RGL1: variants seen among roughly 807,000 people sequenced by gnomAD.
The protein encoded by RGL1 is ral guanine nucleotide dissociation stimulator-like 1.
A neutral mutation model predicts 95.2 loss-of-function variants in RGL1; 24 were observed. The observed-to-expected ratio is 0.25, with a 90% CI of 0.18 to 0.35. The LOEUF (loss-of-function observed/expected upper bound fraction) is 0.35. Among genes scored for constraint, RGL1 ranks in the 10% least tolerant of loss-of-function variants. The pLI is 1.00. For missense variants in RGL1, 715 were observed against 936.3 expected (o/e 0.76, Z 3.08); for synonymous variants, 329 against 344.9 (o/e 0.95, Z 0.51).
At chr1:183,660,277 G>C (rs916702762) in intron 1 of RGL1, among the ~76,000 whole-genome samples, 3 of 152,082 alleles carry the variant, frequency 2.0e-5, no homozygotes, top group African/African-American at 7.3e-5. Flanking sequence ...TGGATAAAGA[G>C]TCAAGACCCA....
intron 1 of RGL1, among the ~76,000 whole-genome samples, chr1:183,643,334 C>G (rs1478615557): frequency 1.3e-5 from 2 of 150,778 alleles, no homozygotes; most frequent in Non-Finnish European, 2.9e-5. Flanking sequence ...ACTCTGTTGC[C>G]AGACTGGAGT....
At chr1:183,859,508 T>TA (rs1354544139) in intron 3 of RGL1, among the ~76,000 whole-genome samples, 1 of 152,130 alleles carries the variant, frequency 6.6e-6, no homozygotes, top group East Asian at 1.9e-4. Context: ...GGGGCAGAAA[T>TA]ATCAGGTACT....
intron 1 of RGL1, among the ~76,000 whole-genome samples, chr1:183,693,319 A>G (rs906992465): frequency 6.6e-6 from 1 of 152,160 alleles, no homozygotes; most frequent in Non-Finnish European, 1.5e-5. Context: ...CTAGAAGGCT[A>G]TAGGAAAGCC....
intron 1 of RGL1, among the ~76,000 whole-genome samples, chr1:183,700,505 C>T (rs760677311): frequency 1.2e-4 from 18 of 148,736 alleles, no homozygotes; most frequent in South Asian, 2.1e-4. Context: ...CATAGGTATA[C>T]GTGTTCCATG....
In RGL1 at chr1:183,912,284, T is replaced by C; in HGVS notation, c.1749+16T>C. 6.2e-7 allele frequency: 1 copy of C among 1,602,438 alleles called. No homozygotes were observed. Among genetic ancestry groups the C allele is most frequent in the Non-Finnish European group, 8.5e-7 (1 of 1,172,304 alleles). Reference sequence around the variant, plus strand: ...TCAAAAAAAGGTATATACTCAACCCTTCTCATAATTCCTAATGCAGGCACC... The same window carrying C: ...TCAAAAAAAGGTATATACTCAACCCCTCTCATAATTCCTAATGCAGGCACC... On this transcript the variant is annotated intron_variant, in intron 15 of 17. Transcript: ENST00000360851.
At chr1:183,875,002 C>A (rs1318870658) in intron 4 of RGL1, among the ~76,000 whole-genome samples, 1 of 152,206 alleles carries the variant, frequency 6.6e-6, no homozygotes, top group African/African-American at 2.4e-5. Flanking sequence ...GCAGAAGTTA[C>A]TTCATTGCTT....
intron 2 of RGL1, among the ~76,000 whole-genome samples, chr1:183,841,151 A>G (rs1386477038): frequency 6.6e-6 from 1 of 152,260 alleles, no homozygotes; most frequent in African/African-American, 2.4e-5. Flanking sequence ...ACATAGTACC[A>G]TTTAGTTAAT....
intron 1 of RGL1, among the ~76,000 whole-genome samples, chr1:183,725,572 C>G (rs1264355046): frequency 6.6e-6 from 1 of 151,962 alleles, no homozygotes; most frequent in South Asian, 2.1e-4. Context: ...AGAACTATTA[C>G]CAGGGATAAA....
intron 2 of RGL1, among the ~76,000 whole-genome samples, chr1:183,756,945 G>A (rs2102296943): frequency 6.6e-6 from 1 of 151,490 alleles, no homozygotes; most frequent in South Asian, 2.1e-4. Context: ...ACATCAAGCA[G>A]AATGTTGTCA....
Position 183,849,483 on chromosome 1 carries a change from G to GTTTTTT in RGL1, c.347+1727_347+1732dup, listed in dbSNP as rs1418103960. Among the ~76,000 whole-genome samples the GTTTTTT allele has an allele frequency of 3.4e-3, 409 of 120,750 alleles. 2 individuals are homozygous for GTTTTTT. The highest frequency in any genetic ancestry group is 5.2e-3 in the East Asian group (21 of 4,006). 79.2% of individuals were successfully genotyped at this position (120,750 alleles called of 152,430 possible). A position where few individuals can be genotyped will look rare whatever the true frequency, so the allele number is the denominator to read the frequency against. On this transcript the variant is annotated intron_variant, in intron 3 of 17. Coordinates refer to ENST00000360851, the MANE Select transcript of RGL1 (RefSeq NM_001297671.3). ...ACATTTAAGTTTTCTCCAGTTTTTA[G>GTTTTTT]TTTTTTTTTTTTTTTTTTTTTTTGT...
In RGL1 at chr1:183,722,264, T is replaced by TA. The variant is rs141923803; in HGVS notation, c.-32-19861dup. ...AAAAAGATAAATGAACTTGAAGGCA[T>TA]AGCAATAGAACCTATCCAAAATGAA... is the stretch of plus-strand genomic sequence containing the variant. On this transcript the variant is annotated intron_variant, in intron 1 of 18. Coordinates refer to the RGL1 transcript ENST00000304685. Among the ~76,000 whole-genome samples, 439 of 147,672 alleles carry TA rather than the reference T, an allele frequency of 3.0e-3. 5 individuals carry two copies. Among genetic ancestry groups the TA allele is most frequent in the African/African-American group, 0.01 (422 of 40,384 alleles).
chr1:183,703,212 G>A (rs535718506), intron 1 of RGL1, among the ~76,000 whole-genome samples: 2 of 152,320 alleles, frequency 1.3e-5, no homozygotes, highest in South Asian at 2.1e-4. Context: ...GAAAAGCGAC[G>A]ACTTTCTCAA....
intron 7 of RGL1, among the ~76,000 whole-genome samples, chr1:183,886,225 G>T (rs1667101470): frequency 1.3e-5 from 2 of 152,098 alleles, no homozygotes; most frequent in African/African-American, 4.8e-5. Context: ...TGTTATTACA[G>T]ACTTCTTAGT....
chr1:183,807,227 CA>C (rs1661405497), intron 2 of RGL1, among the ~76,000 whole-genome samples: 4 of 152,152 alleles, frequency 2.6e-5, no homozygotes, highest in Admixed American at 2.6e-4. Flanking sequence ...AAATGTCAAA[CA>C]TGTGGAAGAA....
At chr1:183,723,500 G>T (rs1223582665) in intron 1 of RGL1, among the ~76,000 whole-genome samples, 1 of 152,208 alleles carries the variant, frequency 6.6e-6, no homozygotes, top group Non-Finnish European at 1.5e-5. Flanking sequence ...CTGTGCTCTT[G>T]CGGGAGGGAG....
chr1:183,662,525 A>T (rs1170151676), intron 1 of RGL1, among the ~76,000 whole-genome samples: 1 of 152,170 alleles, frequency 6.6e-6, no homozygotes, highest in Non-Finnish European at 1.5e-5. Context: ...GACCTCTTCA[A>T]GGAGAACTAC....
intron 5 of RGL1, among the ~76,000 whole-genome samples, chr1:183,881,230 C>T (rs527434704): frequency 1.3e-5 from 2 of 152,282 alleles, no homozygotes; most frequent in African/African-American, 4.8e-5. Flanking sequence ...CAACCACTCC[C>T]GTCTAGCAGT....
chr1:183,866,072 A>C lies in RGL1; in HGVS notation c.424A>C (p.Asn142His), dbSNP rs750254042. ...ATCAGAGTCCAAAATGGTGATCAGGAAGTGAGTCTCCCTTTTCTTTGCATT... is the reference window on the plus strand; with the variant it reads ...ATCAGAGTCCAAAATGGTGATCAGGCAGTGAGTCTCCCTTTTCTTTGCATT... ...SSSESKMVIR[N>H]AIASILRAWL... Residue 142 changes from asparagine to histidine, a missense_variant and splice_region_variant, in exon 4 of 18, where the codon AAT (asparagine) becomes CAT (histidine). Asn to His is a moderately conservative substitution (Grantham distance 68). Around this residue, in one of 3 missense-constraint regions of RGL1, gnomAD observed 381 missense variants for 484.8 expected, o/e 0.79. Transcript: ENST00000360851. 1.9e-6 allele frequency: 3 copies of C among 1,610,872 alleles called. No homozygotes were observed. The South Asian group carries it at 3.3e-5, about 18-fold the overall frequency.
chr1:183,754,117 T>C (rs933407326), intron 2 of RGL1, among the ~76,000 whole-genome samples: 1 of 152,202 alleles, frequency 6.6e-6, no homozygotes, highest in South Asian at 2.1e-4. Context: ...ATGGGCGTGC[T>C]TGTGGTAGTA....
Sources: gnomAD v4.1 joint callset for allele counts (sites outside exome capture counted in the v4.1 genomes callset) on GRCh38, gnomAD v4.1.1 for gene constraint, gnomAD v4.1.1 regional missense constraint, MANE v1.5 for transcripts, NCBI Gene and HGNC (gene_info 2026-07-23, HGNC 2026-07-21) for gene names.